Variants in PEX14 observed in about 807,000 individuals in gnomAD.
The protein encoded by PEX14 is peroxisomal biogenesis factor 14, also known as peroxisomal membrane protein PEX14.
Under a neutral mutation model 49.5 loss-of-function variants are expected in PEX14, and 15 were observed. The ratio of observed to expected loss-of-function variants is 0.30; its 90% CI spans 0.20 to 0.47. The LOEUF (loss-of-function observed/expected upper bound fraction) is 0.47. Ranked by LOEUF, PEX14 falls within the 20% of genes least tolerant of loss-of-function variation. The pLI is 1.00. For missense variants in PEX14, 398 were observed against 494.8 expected (o/e 0.80, Z 1.86); for synonymous variants, 210 against 212.7 (o/e 0.99, Z 0.11).
Position 10,533,129 on chromosome 1 carries a change from C to T in PEX14, c.85-3084C>T, listed in dbSNP as rs563102280. Among the ~76,000 whole-genome samples, 26 of 152,106 alleles carry T rather than the reference C, an allele frequency of 1.7e-4. No homozygotes were observed. The South Asian group carries it at 5.0e-3, about 29-fold the overall frequency. On this transcript the variant is annotated intron_variant, in intron 2 of 8. Coordinates refer to ENST00000356607, the MANE Select transcript of PEX14 (RefSeq NM_004565.3). ...TTAGTGAAAAGAGGAGAGAGGTTTT[C>T]ATATGTTCACACTTACATGTAGCCA...
intron 4 of PEX14, among the ~76,000 whole-genome samples, chr1:10,616,221 G>T (rs1316251892): frequency 1.3e-5 from 2 of 152,238 alleles, no homozygotes; most frequent in African/African-American, 4.8e-5. Context: ...GGAGGTCTTT[G>T]CGACTTGGAT....
At chr1:10,490,134 G>C (rs939001261) in intron 1 of PEX14, among the ~76,000 whole-genome samples, 1 of 152,224 alleles carries the variant, frequency 6.6e-6, no homozygotes, top group African/African-American at 2.4e-5. Flanking sequence ...GCTCAGAGAG[G>C]TTGAGCAGCG....
intron 3 of PEX14, among the ~76,000 whole-genome samples, chr1:10,595,805 A>G (rs1640817849): frequency 6.6e-6 from 1 of 152,072 alleles, no homozygotes; most frequent in Admixed American, 6.6e-5. Context: ...GAGATTATTT[A>G]AAACAACAAC....
chr1:10,584,116 A>AT (rs1489456945), intron 3 of PEX14, among the ~76,000 whole-genome samples: 2 of 152,266 alleles, frequency 1.3e-5, no homozygotes, highest in East Asian at 3.9e-4. Flanking sequence ...TTCCCTGGAT[A>AT]TTTTTTTGGA....
At chr1:10,598,332 T>TG (rs1222069655) in intron 3 of PEX14, among the ~76,000 whole-genome samples, 2 of 152,206 alleles carry the variant, frequency 1.3e-5, no homozygotes, top group African/African-American at 2.4e-5. Flanking sequence ...TTCTGTTCTT[T>TG]GGGTTGGATG....
chr1:10,558,154 C>A (rs1449959724), intron 3 of PEX14, among the ~76,000 whole-genome samples: 2 of 151,976 alleles, frequency 1.3e-5, no homozygotes, highest in African/African-American at 4.8e-5. Context: ...TCGTTGTACT[C>A]TTTTGTACAA....
rs571455166 is a variant in PEX14 at position 10,623,741 on chromosome 1, G to A, written c.488-599G>A. Reference sequence around the variant, plus strand: ...AGGAGTCTGTGTCCCTCTGGAGCACGTTTGTGAAGCTCACAGAAACCCTCT... The same window carrying A: ...AGGAGTCTGTGTCCCTCTGGAGCACATTTGTGAAGCTCACAGAAACCCTCT... On this transcript the variant is annotated intron_variant, in intron 6 of 8. Coordinates refer to ENST00000356607, the MANE Select transcript of PEX14 (RefSeq NM_004565.3). The surrounding 1 kb of genome is among the most constrained non-coding windows in gnomAD (Gnocchi z 4.4). Among the ~76,000 whole-genome samples, 16 of 152,348 alleles carry A rather than the reference G, an allele frequency of 1.1e-4. 3 individuals carry two copies. The highest frequency in any genetic ancestry group is 5.9e-4 in the Admixed American group (9 of 15,308).
intron 2 of PEX14, among the ~76,000 whole-genome samples, chr1:10,510,883 C>T (rs984008933): frequency 5.9e-5 from 9 of 152,130 alleles, no homozygotes; most frequent in African/African-American, 2.2e-4. Flanking sequence ...CATAAAGAGG[C>T]CATTTTATGA....
intron 8 of PEX14, among the ~76,000 whole-genome samples, chr1:10,627,944 A>T (rs947812335): frequency 8.6e-5 from 13 of 150,474 alleles, no homozygotes; most frequent in South Asian, 2.1e-4. Context: ...TTTTATTTTT[A>T]TTTTTTTTTG....
At chr1:10,549,539 A>AT (rs915221323) in intron 3 of PEX14, among the ~76,000 whole-genome samples, 11 of 151,502 alleles carry the variant, frequency 7.3e-5, no homozygotes, top group Non-Finnish European at 8.8e-5. Context: ...ATTTACTTAC[A>AT]TTTTTTTTTC....
chr1:10,562,855 A>G (rs1364392545), intron 3 of PEX14, among the ~76,000 whole-genome samples: 1 of 152,000 alleles, frequency 6.6e-6, no homozygotes, highest in East Asian at 1.9e-4. Context: ...AGATTGCTGA[A>G]TCTTCATATC....
intron 2 of PEX14, among the ~76,000 whole-genome samples, chr1:10,526,429 G>A (rs1223505170): frequency 6.6e-6 from 1 of 152,034 alleles, no homozygotes; most frequent in Non-Finnish European, 1.5e-5. Flanking sequence ...ATGTTGGTCA[G>A]GCTGGTCTCA....
intron 4 of PEX14, among the ~76,000 whole-genome samples, chr1:10,599,919 T>G (rs1640935184): frequency 6.6e-6 from 1 of 152,244 alleles, no homozygotes; most frequent in South Asian, 2.1e-4. Context: ...ATGTTTCTTT[T>G]AATTATACGA....
intron 3 of PEX14, among the ~76,000 whole-genome samples, chr1:10,590,325 T>C (rs2387144): frequency 0.98 from 150,066 of 152,390 alleles, 73,938 homozygotes; most frequent in East Asian, 1. Context: ...AGAACTAAAA[T>C]GCTCTGCTAC....
chr1:10,520,688 A>G lies in PEX14; in HGVS notation c.85-15525A>G, dbSNP rs377705100. ...CATCCAGACAGCATCTGCTGTTATCAAATCACTCGTGAATCCAGCTAATTA... is the reference window on the plus strand; with the variant it reads ...CATCCAGACAGCATCTGCTGTTATCGAATCACTCGTGAATCCAGCTAATTA... On this transcript the variant is annotated intron_variant, in intron 2 of 8. Transcript: ENST00000356607. 1.6e-4 allele frequency among the ~76,000 whole-genome samples: 24 copies of G among 152,320 alleles called. No individual in the cohort carries two copies. In the East Asian group the frequency reaches 2.9e-3, roughly 18 times the overall value.
At chr1:10,550,644 T>TA (rs1458484642) in intron 3 of PEX14, among the ~76,000 whole-genome samples, 5 of 152,238 alleles carry the variant, frequency 3.3e-5, no homozygotes, top group Non-Finnish European at 7.3e-5. Flanking sequence ...CATTCACACA[T>TA]ACATTTGCCC....
intron 2 of PEX14, chr1:10,535,780 T>G: frequency 3.3e-6 from 1 of 304,322 alleles, no homozygotes; most frequent in East Asian, 8.5e-5. Context: ...AGAGAACGTG[T>G]GTGTGTGTGT....
intron 2 of PEX14, among the ~76,000 whole-genome samples, chr1:10,518,465 G>T (rs940386550): frequency 1.3e-5 from 2 of 152,218 alleles, no homozygotes; most frequent in African/African-American, 4.8e-5. Context: ...GACCCTCTGT[G>T]AAGGGCTGAA....
intron 3 of PEX14, among the ~76,000 whole-genome samples, chr1:10,598,793 G>A (rs559793906): frequency 6.6e-6 from 1 of 152,026 alleles, no homozygotes; most frequent in Non-Finnish European, 1.5e-5. Flanking sequence ...CTTCAGAAAC[G>A]ATCTAGACTA....
Sources: allele counts gnomAD v4.1 joint callset (sites outside exome capture counted in the v4.1 genomes callset), GRCh38; gene constraint gnomAD v4.1.1; non-coding constraint Gnocchi (gnomAD v3.1); transcripts MANE v1.5; gene names NCBI Gene and HGNC (gene_info 2026-07-23, HGNC 2026-07-21).